The following TRPV3 variants were observed in gnomAD, a reference collection of about 807,000 sequenced individuals.
TRPV3 encodes VRL-3.
TRPV3 carries 88 observed loss-of-function variants against 87.1 expected under a neutral mutation model. The ratio of observed to expected loss-of-function variants is 1.01; its 90% confidence interval spans 0.85 to 1.21. TRPV3 has a LOEUF of 1.21. Ranked by LOEUF, TRPV3 falls within the 50% of genes most tolerant of loss-of-function variation. The pLI is 0.00. For synonymous variants in TRPV3, 438 were observed against 423.3 expected, an observed-to-expected ratio of 1.03 and a Z score of -0.43; for missense variants, 1,054 against 1,030.1, an observed-to-expected ratio of 1.02 and a Z score of -0.32.
At position 3,511,738 on chromosome 17, in the gene TRPV3, T is replaced by C. The variant is rs986089279; in HGVS notation, c.*2179A>G. 1 of 152,232 alleles carries C rather than the reference T, an allele frequency of 6.6e-6. No individual in the cohort carries two copies. The highest frequency in any genetic ancestry group is 1.5e-5 in the Non-Finnish European group (1 of 68,044). 9.4% of individuals were successfully genotyped at this position (152,232 alleles called of 1,614,324 possible). A position where few individuals can be genotyped will look rare whatever the true frequency, so the allele number is the denominator to read the frequency against. The stretch of plus-strand genomic sequence containing the variant: ...CCCACTTGGACAAAAGCTGGCAGGT[T>C]AGGCAAATAGAAATCAATAATTGGC... On this transcript the variant is annotated 3_prime_UTR_variant, in exon 18 of 18. Coordinates refer to ENST00000576742, the MANE Select transcript of TRPV3 (RefSeq NM_145068.4).
At position 3,532,709 on chromosome 17, in the gene TRPV3, T is replaced by C; in HGVS notation, c.1013A>G (p.Asn338Ser). Residue 338 changes from asparagine to serine, a missense_variant, in exon 8 of 18, where the codon AAC becomes AGC. Physicochemically the swap from Asn to Ser is conservative, Grantham distance 46. Transcript: ENST00000576742. ...SGNWELETTR[N>S]NDGLTPLQLA... is the part of the protein sequence containing the mutation. ...CTGCAGCGGCGTGAGGCCATCGTTGTTGCGAGTGGTCTCCAGCTCCCAGTT... is the reference window on the plus strand; with the variant it reads ...CTGCAGCGGCGTGAGGCCATCGTTGCTGCGAGTGGTCTCCAGCTCCCAGTT... 7 of 1,614,262 alleles carry C rather than the reference T, an allele frequency of 4.3e-6. No individual in the cohort carries two copies. Among genetic ancestry groups the C allele is most frequent in the South Asian group, 1.1e-5 (1 of 91,088 alleles).
At position 3,542,717 on chromosome 17, in the gene TRPV3, G is replaced by T. The variant is rs1385678879; in HGVS notation, c.467-19C>A. On this transcript the variant is annotated intron_variant, in intron 5 of 17. Transcript: ENST00000576742. ...AGGAAGTCTGCAGGCAGGGCCATGG[G>T]TGGAGTTACAGGAGGGCCCCGGCTG... is the stretch of plus-strand genomic sequence containing the variant. 6.2e-7 allele frequency: 1 copy of T among 1,610,774 alleles called. No homozygotes were observed. Among genetic ancestry groups the T allele is most frequent in the Non-Finnish European group, 8.5e-7 (1 of 1,178,366 alleles).
Position 3,530,287 on chromosome 17 carries a change from C to CCAG in TRPV3, c.1066-85_1066-84insCTG. 7.0e-7 allele frequency: 1 copy of CCAG among 1,421,120 alleles called. No individual in the cohort carries two copies. The highest frequency in any genetic ancestry group is 9.5e-7 in the Non-Finnish European group (1 of 1,050,402). The allele number at this position is 1,421,120 out of a possible 1,614,324, so 88.0% of individuals were successfully genotyped here. ...CTGGACCAGCCAGAGGCTGGCTGGG[C>CCAG]CCAGGGGATACACCCGCCCAGAATG... is the stretch of plus-strand genomic sequence containing the variant. On this transcript the variant is annotated intron_variant, in intron 8 of 17. Transcript: ENST00000576742. This position sits in a 1 kb window ranked among gnomAD's most constrained non-coding sequence, Gnocchi z 4.0.
At chr17:3,552,726 A>G (rs2074590188) in intron 2 of TRPV3, 1 of 152,222 alleles carries the variant, frequency 6.6e-6, no homozygotes, top group African/African-American at 2.4e-5. Context: ...AGGCAGCCTG[A>G]CGGTTCCTGC....
At chr17:3,549,302 G>A (rs958065013) in intron 2 of TRPV3, among the ~76,000 whole-genome samples, 1 of 152,202 alleles carries the variant, frequency 6.6e-6, no homozygotes, top group Non-Finnish European at 1.5e-5. Flanking sequence ...TGCAGCTGAG[G>A]ATACAGTAGT....
intron 15 of TRPV3, 61 bp from the exon 16 acceptor site, chr17:3,516,630 C>T (rs2074185811): frequency 1.6e-6 from 2 of 1,248,128 alleles, no homozygotes; most frequent in South Asian, 1.2e-5. Context: ...CACAAGGGCA[C>T]ACACACTGTC....
At position 3,535,704 on chromosome 17, in the gene TRPV3, G is replaced by A. The variant is rs776957787; in HGVS notation, c.653C>T (p.Ala218Val). The change falls in exon 7 of 18, where the codon GCG (alanine) becomes GTG (valine). Residue 218 changes from alanine (A) to valine (V), a missense_variant. Ala to Val is a moderately conservative substitution (Grantham distance 64). Coordinates refer to ENST00000576742, the MANE Select transcript of TRPV3 (RefSeq NM_145068.4). ...YTEEAYEGQTALNIAIERRQG... is the reference protein window; with the variant it reads ...YTEEAYEGQTVLNIAIERRQG... ...CCGCCGCTCGATGGCGATGTTCAGCGCCGTCTGCCCTGCGGAGCGGGCGGG... is the reference window on the plus strand; with the variant it reads ...CCGCCGCTCGATGGCGATGTTCAGCACCGTCTGCCCTGCGGAGCGGGCGGG... 2 of 1,544,204 alleles carry A rather than the reference G, an allele frequency of 1.3e-6. No individual in the cohort carries two copies. Among genetic ancestry groups the A allele is most frequent in the Admixed American group, 2.0e-5 (1 of 50,254 alleles).
chr17:3,522,730 T>C (rs957252809), intron 13 of TRPV3, among the ~76,000 whole-genome samples: 4 of 151,524 alleles, frequency 2.6e-5, no homozygotes, highest in Non-Finnish European at 5.9e-5. Flanking sequence ...GGCGGGAGAA[T>C]TGCTTGAGCC....
At chr17:3,544,443 T>C in intron 4 of TRPV3, 136 bp downstream of exon 4, 1 of 589,534 alleles carries the variant, frequency 1.7e-6, no homozygotes, top group Non-Finnish European at 2.9e-6. Context: ...CTACATGCCA[T>C]GGACCCATGA....
In TRPV3 at chr17:3,512,649, C is replaced by T. The variant is rs2074128527; in HGVS notation, c.*1268G>A. 1 of 152,014 alleles carries T rather than the reference C, an allele frequency of 6.6e-6. No individual in the cohort carries two copies. The highest frequency in any genetic ancestry group is 1.5e-5 in the Non-Finnish European group (1 of 68,004). The allele number at this position is 152,014 out of a possible 1,614,324, so 9.4% of individuals were successfully genotyped here. A position where few individuals can be genotyped will look rare whatever the true frequency, so the allele number is the denominator to read the frequency against. On this transcript the variant is annotated 3_prime_UTR_variant, in exon 18 of 18. Transcript: ENST00000576742. The stretch of plus-strand genomic sequence containing the variant: ...TTTCTGGTGGTTTCGGCCCCAGTCA[C>T]CTGGAAAATCCTTCCGTCTCCACTT...
chr17:3,516,966 CA>C (rs1296413227), intron 15 of TRPV3, among the ~76,000 whole-genome samples: 1 of 151,844 alleles, frequency 6.6e-6, no homozygotes, highest in African/African-American at 2.4e-5. Flanking sequence ...GCCAACATGG[CA>C]AAAGCCGGTC....
intron 7 of TRPV3, 114 bp from the exon 8 acceptor site, chr17:3,533,051 C>CA: frequency 8.2e-7 from 1 of 1,221,456 alleles, no homozygotes; most frequent in Non-Finnish European, 1.1e-6. Context: ...CTCAGGTTCC[C>CA]TAGCCCTCTC....
At chr17:3,526,976 C>A (rs1315186065) in intron 11 of TRPV3, 49 bp from the exon 12 acceptor site, 1 of 1,504,118 alleles carries the variant, frequency 6.6e-7, no homozygotes, top group African/African-American at 1.4e-5. Flanking sequence ...TGGCCCTCAG[C>A]AGGGGAGCTG....
At chr17:3,525,024 G>C (rs1472579567) in intron 12 of TRPV3, among the ~76,000 whole-genome samples, 1 of 152,032 alleles carries the variant, frequency 6.6e-6, no homozygotes, top group Non-Finnish European at 1.5e-5. Context: ...TTTTTTGGGG[G>C]GGTCAGGGGG....
At chr17:3,522,582 G>T (rs2074257212) in intron 13 of TRPV3, among the ~76,000 whole-genome samples, 1 of 149,672 alleles carries the variant, frequency 6.7e-6, no homozygotes, top group South Asian at 2.1e-4. Flanking sequence ...CACTTTGGGA[G>T]GCCGAGGCGG....
chr17:3,512,797 C>CAAA lies in TRPV3; in HGVS notation c.*1117_*1119dup, dbSNP rs1356369862. The CAAA allele has an allele frequency of 6.6e-6, 1 of 151,970 alleles. No homozygotes were observed. Among genetic ancestry groups the CAAA allele is most frequent in the Non-Finnish European group, 1.5e-5 (1 of 68,016 alleles). The allele number at this position is 151,970 out of a possible 1,614,324, so 9.4% of individuals were successfully genotyped here. A position where few individuals can be genotyped will look rare whatever the true frequency, so the allele number is the denominator to read the frequency against. Reference sequence around the variant, plus strand: ...CTCTCACAAGCTTCCCCTTCAGCTTCAAAATTCACAGTTAAAATTAAAAAA... The same window carrying CAAA: ...CTCTCACAAGCTTCCCCTTCAGCTTCAAAAAAATTCACAGTTAAAATTAAAAAA... On this transcript the variant is annotated 3_prime_UTR_variant, in exon 18 of 18. Transcript: ENST00000576742.
rs1270734371 is a variant in TRPV3 at position 3,512,133 on chromosome 17, A to C, written c.*1784T>G. ...CTGGAGCAGTTGCTGGATTCTGTTGAGCCAAAATCTTTCTCAATTTCCTAA... is the reference window on the plus strand; with the variant it reads ...CTGGAGCAGTTGCTGGATTCTGTTGCGCCAAAATCTTTCTCAATTTCCTAA... On this transcript the variant is annotated 3_prime_UTR_variant, in exon 18 of 18. Transcript: ENST00000576742. The C allele has an allele frequency of 6.6e-6, 1 of 152,196 alleles. No homozygotes were observed. Among genetic ancestry groups the C allele is most frequent in the East Asian group, 1.9e-4 (1 of 5,192 alleles). 9.4% of individuals were successfully genotyped at this position (152,196 alleles called of 1,614,324 possible). A position where few individuals can be genotyped will look rare whatever the true frequency, so the allele number is the denominator to read the frequency against.
chr17:3,535,444 T>A, intron 7 of TRPV3, 129 bp downstream of exon 7: 53 of 384,808 alleles, frequency 1.4e-4, no homozygotes, highest in Middle Eastern at 8.0e-4. Context: ...CTCTCCCTCC[T>A]CACTTCCTTC....
At position 3,513,797 on chromosome 17, in the gene TRPV3, C is replaced by A; in HGVS notation, c.*120G>T. ...ACTGAGCACTGAGCACGAGGGTGCA[C>A]TCTGCTTCTAGGCCAGCAGAGCCGG... On this transcript the variant is annotated 3_prime_UTR_variant, in exon 18 of 18. Coordinates refer to ENST00000576742, the MANE Select transcript of TRPV3 (RefSeq NM_145068.4). 1.2e-6 allele frequency: 1 copy of A among 831,124 alleles called. No homozygotes were observed. 51.5% of individuals were successfully genotyped at this position (831,124 alleles called of 1,614,324 possible).
Sources: gnomAD v4.1 joint callset for allele counts (sites outside exome capture counted in the v4.1 genomes callset) on GRCh38, gnomAD v4.1.1 for gene constraint, Gnocchi (gnomAD v3.1) non-coding constraint, MANE v1.5 for transcripts, NCBI Gene and HGNC (gene_info 2026-07-23, HGNC 2026-07-21) for gene names.